Variants in PTPRD observed in about 807,000 individuals in gnomAD.
PTPRD encodes the protein receptor-type tyrosine-protein phosphatase delta.
PTPRD carries 34 observed loss-of-function variants against 214.5 expected under a neutral mutation model. That is an observed-to-expected ratio of 0.16 (90% CI 0.12 to 0.21). PTPRD has a LOEUF of 0.21. Ranked by LOEUF, PTPRD falls within the 10% of genes least tolerant of loss-of-function variation. PTPRD has a pLI of 1.00. For synonymous variants in PTPRD, 1,128 were observed against 845.7 expected (o/e 1.33, Z -5.79); for missense variants, 2,545 against 2,398.7 (o/e 1.06, Z -1.27).
intron 12 of PTPRD, among the ~76,000 whole-genome samples, chr9:8,665,967 A>C (rs1335750676): frequency 6.6e-6 from 1 of 152,162 alleles, no homozygotes; most frequent in African/African-American, 2.4e-5. Context: ...CAATGAAATA[A>C]AGTGTGTTAA....
chr9:10,321,078 G>T (rs914805556), intron 3 of PTPRD, among the ~76,000 whole-genome samples: 1 of 151,926 alleles, frequency 6.6e-6, no homozygotes, highest in Admixed American at 6.6e-5. Context: ...TTACACACTG[G>T]GTGGAAAACA....
In PTPRD at chr9:10,558,819, T is replaced by G. The variant is rs554107622; in HGVS notation, c.-600+53579A>C. ...GCATGTAAAAACAATATTCCCTAGT[T>G]TACTAAAAACCAAAACAAAGCATTT... is the stretch of plus-strand genomic sequence containing the variant. On this transcript the variant is annotated intron_variant, in intron 2 of 45. Transcript: ENST00000381196. 2.6e-5 allele frequency among the ~76,000 whole-genome samples: 4 copies of G among 152,242 alleles called. No homozygotes were observed. In the South Asian group the frequency reaches 6.2e-4, roughly 24 times the overall value.
chr9:10,060,742 T>C (rs1422232019), intron 3 of PTPRD, among the ~76,000 whole-genome samples: 1 of 151,902 alleles, frequency 6.6e-6, no homozygotes, highest in Admixed American at 6.6e-5. Flanking sequence ...AGTTTCTATT[T>C]TCCCACCATC....
At chr9:10,462,699 T>C (rs748132100) in intron 2 of PTPRD, among the ~76,000 whole-genome samples, 26 of 149,460 alleles carry the variant, frequency 1.7e-4, no homozygotes, top group Non-Finnish European at 3.3e-4. Flanking sequence ...GAGAAGGAAG[T>C]AAGATATCTA....
At chr9:9,394,592 A>G (rs72700884) in intron 9 of PTPRD, among the ~76,000 whole-genome samples, 6,225 of 152,218 alleles carry the variant, frequency 0.041, 163 homozygotes, top group Middle Eastern at 0.13. Flanking sequence ...ATTATCTAGG[A>G]TTGTCCTTAT....
intron 11 of PTPRD, among the ~76,000 whole-genome samples, chr9:8,986,066 G>C (rs1199389306): frequency 6.6e-6 from 1 of 151,986 alleles, no homozygotes; most frequent in Non-Finnish European, 1.5e-5. Context: ...GAAAAAGCTT[G>C]GAAGGACCTT....
intron 14 of PTPRD, among the ~76,000 whole-genome samples, chr9:8,582,709 G>A (rs909767307): frequency 2.6e-5 from 4 of 152,288 alleles, no homozygotes; most frequent in African/African-American, 9.6e-5. Context: ...CCTTCAGATT[G>A]TCCAAATGTA....
intron 8 of PTPRD, among the ~76,000 whole-genome samples, chr9:9,515,448 A>G (rs773765216): frequency 3.9e-5 from 6 of 152,152 alleles, no homozygotes; most frequent in Non-Finnish European, 8.8e-5. Flanking sequence ...ATTTCTATCC[A>G]TCAACTACTT....
At chr9:8,869,980 C>T (rs79519390) in intron 11 of PTPRD, among the ~76,000 whole-genome samples, 1,684 of 152,084 alleles carry the variant, frequency 0.011, 27 homozygotes, top group African/African-American at 0.039. Flanking sequence ...AAATTTGTAC[C>T]GGACATTGTA....
intron 4 of PTPRD, among the ~76,000 whole-genome samples, chr9:10,024,329 G>T (rs910666951): frequency 1.3e-5 from 2 of 152,088 alleles, no homozygotes; most frequent in Non-Finnish European, 2.9e-5. Flanking sequence ...TCTCCTGAAA[G>T]GAATTTTTAT....
At chr9:9,911,350 A>G (rs1158035019) in intron 5 of PTPRD, among the ~76,000 whole-genome samples, 1 of 152,114 alleles carries the variant, frequency 6.6e-6, no homozygotes, top group Non-Finnish European at 1.5e-5. Flanking sequence ...ATTAAAAAGA[A>G]CACTTCCAAA....
intron 7 of PTPRD, among the ~76,000 whole-genome samples, chr9:9,603,363 A>G (rs1011514138): frequency 6.6e-6 from 1 of 152,180 alleles, no homozygotes; most frequent in Non-Finnish European, 1.5e-5. Context: ...TTTAAGTACC[A>G]GCTTTGAGAA....
chr9:8,698,221 G>A (rs1159354557), intron 12 of PTPRD, among the ~76,000 whole-genome samples: 1 of 152,182 alleles, frequency 6.6e-6, no homozygotes, highest in Admixed American at 6.5e-5. Flanking sequence ...CTTATGCACT[G>A]AATACCTACT....
At chr9:8,801,035 G>C (rs1323626048) in intron 11 of PTPRD, among the ~76,000 whole-genome samples, 1 of 152,072 alleles carries the variant, frequency 6.6e-6, no homozygotes, top group Non-Finnish European at 1.5e-5. Flanking sequence ...CTGCAAAGTG[G>C]GTTTGTTTTT....
At chr9:9,930,201 C>T (rs986622546) in intron 5 of PTPRD, among the ~76,000 whole-genome samples, 20 of 152,108 alleles carry the variant, frequency 1.3e-4, no homozygotes, top group African/African-American at 4.3e-4. Context: ...GTTTAGGAGA[C>T]CTGCAGTTCA....
At chr9:9,601,682 T>C (rs1360115410) in intron 7 of PTPRD, among the ~76,000 whole-genome samples, 1 of 152,026 alleles carries the variant, frequency 6.6e-6, no homozygotes, top group Non-Finnish European at 1.5e-5. Flanking sequence ...ATTCAGTAAA[T>C]AATAAGGGAC....
chr9:8,996,568 A>C (rs1456848173), intron 11 of PTPRD, among the ~76,000 whole-genome samples: 2 of 152,004 alleles, frequency 1.3e-5, no homozygotes, highest in African/African-American at 4.8e-5. Context: ...GGTAGTTTAT[A>C]AACAGAAATT....
chr9:10,399,214 G>C (rs926163225), intron 2 of PTPRD, among the ~76,000 whole-genome samples: 2 of 151,908 alleles, frequency 1.3e-5, no homozygotes, highest in Non-Finnish European at 2.9e-5. Context: ...AATTAGAGAA[G>C]GATTGCAAAG....
chr9:10,445,539 G>C (rs1566081716), intron 2 of PTPRD, among the ~76,000 whole-genome samples: 1 of 152,122 alleles, frequency 6.6e-6, no homozygotes, highest in Admixed American at 6.6e-5. Context: ...GAAGATCTAT[G>C]CATACAGGAC....
Sources: allele counts gnomAD v4.1 joint callset (sites outside exome capture counted in the v4.1 genomes callset), GRCh38; gene constraint gnomAD v4.1.1; transcripts MANE v1.5; gene names NCBI Gene and HGNC (gene_info 2026-07-23, HGNC 2026-07-21).